The following GATAD2A variants were observed in gnomAD, a reference collection of about 807,000 sequenced individuals.
GATAD2A encodes transcriptional repressor p66-alpha.
GATAD2A carries 12 observed loss-of-function variants against 68.5 expected under a neutral mutation model. That is an observed-to-expected ratio of 0.18 (90% CI 0.11 to 0.28). GATAD2A has a LOEUF of 0.28. Among genes scored for constraint, GATAD2A ranks in the 10% least tolerant of loss-of-function variants. The pLI is 1.00. For synonymous variants in GATAD2A, 410 were observed against 375.3 expected, an observed-to-expected ratio of 1.09 and a Z score of -1.07; for missense variants, 755 against 868.5, an observed-to-expected ratio of 0.87 and a Z score of 1.64.
chr19:19,405,840 C>CGCGGGCGG lies in GATAD2A; in HGVS notation c.-177_-170dup, dbSNP rs1193699707. 1 of 147,360 alleles carries CGCGGGCGG rather than the reference C, an allele frequency of 6.8e-6. No individual in the cohort carries two copies. Among genetic ancestry groups the CGCGGGCGG allele is most frequent in the Non-Finnish European group, 1.5e-5 (1 of 66,350 alleles). The allele number at this position is 147,360 out of a possible 1,614,324, so 9.1% of individuals were successfully genotyped here. A position where few individuals can be genotyped will look rare whatever the true frequency, so the allele number is the denominator to read the frequency against. ...GAGGGGCGCATTATCTGGCCGGCGG[C>CGCGGGCGG]GCGGGCGGGCGGGCGGACCGGCGCA... On this transcript the variant is annotated 5_prime_UTR_variant, in exon 1 of 12. An upstream open reading frame in the 5' UTR gains an earlier in-frame stop. Coordinates refer to ENST00000683918, the MANE Select transcript of GATAD2A (RefSeq NM_001384528.1).
At position 19,501,242 on chromosome 19, in the gene GATAD2A, G is replaced by C; in HGVS notation, c.1329G>C (p.Met443Ile). ...KSGAIMCENC[M>I]TTNQKKALKV... The stretch of plus-strand genomic sequence containing the variant: ...GCGCCATCATGTGTGAGAACTGCAT[G>C]ACAACCAACCAGAAGAAGGCGCTCA... The change falls in exon 9 of 12, where the codon ATG (methionine) becomes ATC (isoleucine). Residue 443 changes from methionine to isoleucine, a missense_variant. Met to Ile is a conservative substitution (Grantham distance 10). Coordinates refer to ENST00000683918, the MANE Select transcript of GATAD2A (RefSeq NM_001384528.1). 1 of 1,613,538 alleles carries C rather than the reference G, an allele frequency of 6.2e-7. No individual in the cohort carries two copies. Among genetic ancestry groups the C allele is most frequent in the Non-Finnish European group, 8.5e-7 (1 of 1,180,038 alleles).
At chr19:19,446,277 A>G (rs1029006702) in intron 1 of GATAD2A, among the ~76,000 whole-genome samples, 3 of 152,158 alleles carry the variant, frequency 2.0e-5, no homozygotes, top group Non-Finnish European at 2.9e-5. Context: ...CCTCATGACT[A>G]ATGACACTGA....
intron 2 of GATAD2A, among the ~76,000 whole-genome samples, chr19:19,477,642 G>A (rs912353795): frequency 6.6e-6 from 1 of 152,208 alleles, no homozygotes; most frequent in South Asian, 2.1e-4. Context: ...TTGGATGCAG[G>A]AAGGGTGGAA....
rs2147022747 is a variant in GATAD2A at position 19,405,698 on chromosome 19, G to A, written c.-328G>A. 1 of 151,978 alleles carries A rather than the reference G, an allele frequency of 6.6e-6. No homozygotes were observed. Among genetic ancestry groups the A allele is most frequent in the South Asian group, 2.1e-4 (1 of 4,828 alleles). The allele number at this position is 151,978 out of a possible 1,614,324, so 9.4% of individuals were successfully genotyped here. ...CCACGCCCCGCCCAGCCGGGCGCGGGCGGGCGGCGTCGCCTTTAAGAGCTC... is the reference window on the plus strand; with the variant it reads ...CCACGCCCCGCCCAGCCGGGCGCGGACGGGCGGCGTCGCCTTTAAGAGCTC... On this transcript the variant is annotated 5_prime_UTR_variant, in exon 1 of 12. Transcript: ENST00000683918.
chr19:19,409,541 C>T (rs1020670024), intron 1 of GATAD2A, among the ~76,000 whole-genome samples: 1 of 152,126 alleles, frequency 6.6e-6, no homozygotes, highest in African/African-American at 2.4e-5. Context: ...TGAGCTGCTT[C>T]GGGAGGTAGC....
At chr19:19,403,781 C>A (rs927911179), upstream of GATAD2A, among the ~76,000 whole-genome samples, 1 of 152,180 alleles carries the variant, frequency 6.6e-6, no homozygotes, top group Non-Finnish European at 1.5e-5. Context: ...GATTAATGAT[C>A]GTAGCATGAA....
At chr19:19,399,531 A>G (rs2049541558) in intron 1 of GATAD2A, among the ~76,000 whole-genome samples, 2 of 152,136 alleles carry the variant, frequency 1.3e-5, no homozygotes, top group Non-Finnish European at 2.9e-5. Flanking sequence ...TTTAGCCTTT[A>G]TATTTAACCT....
chr19:19,426,889 T>G (rs1452034310), intron 1 of GATAD2A, among the ~76,000 whole-genome samples: 1 of 152,224 alleles, frequency 6.6e-6, no homozygotes, highest in Non-Finnish European at 1.5e-5. Flanking sequence ...GTCAGTGGCA[T>G]GGCTGAGCTG....
intron 1 of GATAD2A, among the ~76,000 whole-genome samples, chr19:19,399,652 G>A (rs895763548): frequency 1.2e-4 from 19 of 152,204 alleles, no homozygotes; most frequent in African/African-American, 4.3e-4. Flanking sequence ...GTGGGCATGT[G>A]AGAGGGCATG....
intron 1 of GATAD2A, among the ~76,000 whole-genome samples, chr19:19,463,670 G>A (rs2057646744): frequency 6.6e-6 from 1 of 152,176 alleles, no homozygotes; most frequent in Non-Finnish European, 1.5e-5. Flanking sequence ...GCCTCAGCCT[G>A]GTCATGTTAA....
At chr19:19,432,592 G>A (rs951873214) in intron 1 of GATAD2A, among the ~76,000 whole-genome samples, 1 of 152,214 alleles carries the variant, frequency 6.6e-6, no homozygotes. Flanking sequence ...ATGAGCTACC[G>A]TGTTCGGCTG....
At chr19:19,437,485 GT>G (rs1286476664) in intron 1 of GATAD2A, among the ~76,000 whole-genome samples, 1 of 152,098 alleles carries the variant, frequency 6.6e-6, no homozygotes, top group Non-Finnish European at 1.5e-5. Flanking sequence ...GTGCAATTCA[GT>G]TTTTTATATA....
chr19:19,394,855 TGA>T (rs2049108813), intron 1 of GATAD2A, among the ~76,000 whole-genome samples: 2 of 152,172 alleles, frequency 1.3e-5, no homozygotes, highest in African/African-American at 4.8e-5. Flanking sequence ...AGTGTATCTG[TGA>T]GAGGTGGGGC....
At chr19:19,411,699 C>T (rs966739827) in intron 1 of GATAD2A, among the ~76,000 whole-genome samples, 1 of 152,188 alleles carries the variant, frequency 6.6e-6, no homozygotes, top group African/African-American at 2.4e-5. Flanking sequence ...GCGGAGACAG[C>T]ATCTTTGACC....
intron 1 of GATAD2A, among the ~76,000 whole-genome samples, chr19:19,395,193 G>A (rs1270226868): frequency 6.6e-6 from 1 of 152,184 alleles, no homozygotes; most frequent in East Asian, 1.9e-4. Flanking sequence ...GGTGGCTCAC[G>A]CCTGTAATCC....
intron 1 of GATAD2A, among the ~76,000 whole-genome samples, chr19:19,396,830 T>C (rs1374748134): frequency 6.6e-6 from 1 of 151,886 alleles, no homozygotes. Context: ...TGCGTCAGCC[T>C]CCCGAGTAGC....
At chr19:19,433,995 A>C (rs986204623) in intron 1 of GATAD2A, among the ~76,000 whole-genome samples, 2 of 151,820 alleles carry the variant, frequency 1.3e-5, no homozygotes, top group African/African-American at 2.4e-5. Context: ...CTGGCCTTGA[A>C]CTCCTGAGCT....
chr19:19,482,216 C>G (rs761900433), intron 2 of GATAD2A, among the ~76,000 whole-genome samples: 1 of 152,136 alleles, frequency 6.6e-6, no homozygotes, highest in Non-Finnish European at 1.5e-5. Flanking sequence ...CCAGCCTGAC[C>G]AACGTGGTGA....
intron 1 of GATAD2A, among the ~76,000 whole-genome samples, chr19:19,417,517 CG>C (rs1197209404): frequency 6.6e-6 from 1 of 151,962 alleles, no homozygotes; most frequent in Admixed American, 6.6e-5. Context: ...GTGTTGGGTG[CG>C]GGGGGTGGAG....
Sources: allele counts gnomAD v4.1 joint callset (sites outside exome capture counted in the v4.1 genomes callset), GRCh38; gene constraint gnomAD v4.1.1; transcripts MANE v1.5; gene names NCBI Gene and HGNC (gene_info 2026-07-23, HGNC 2026-07-21).